Variants in SEMA4D observed in about 807,000 individuals in gnomAD.
SEMA4D encodes semaphorin 4D.
Under a neutral mutation model 74.8 loss-of-function variants are expected in SEMA4D, and 22 were observed. The ratio of observed to expected loss-of-function variants is 0.29; its 90% CI spans 0.21 to 0.42. SEMA4D has a LOEUF of 0.42. Ranked by LOEUF, SEMA4D falls within the 10% of genes least tolerant of loss-of-function variation. SEMA4D has a pLI of 1.00. For synonymous variants in SEMA4D, 445 were observed against 463.7 expected, an observed-to-expected ratio of 0.96 and a Z score of 0.52; for missense variants, 937 against 1,118.4, an observed-to-expected ratio of 0.84 and a Z score of 2.31.
intron 6 of SEMA4D, among the ~76,000 whole-genome samples, chr9:89,393,905 C>T (rs529310094): frequency 6.6e-6 from 1 of 152,352 alleles, no homozygotes; most frequent in Non-Finnish European, 1.5e-5. Context: ...ATCTCAGACC[C>T]TCAATTTACT....
At chr9:89,461,563 C>T (rs1365832879) in intron 1 of SEMA4D, among the ~76,000 whole-genome samples, 1 of 152,148 alleles carries the variant, frequency 6.6e-6, no homozygotes, top group African/African-American at 2.4e-5. Flanking sequence ...GGAAGGCTGC[C>T]AGAATAAACC....
At chr9:89,446,622 C>G (rs1172643879) in intron 2 of SEMA4D, among the ~76,000 whole-genome samples, 2 of 152,210 alleles carry the variant, frequency 1.3e-5, no homozygotes, top group Non-Finnish European at 2.9e-5. Flanking sequence ...TTCTCCAGGG[C>G]TCCGAGGCTC....
intron 18 of SEMA4D, chr9:89,362,545 G>C: frequency 6.4e-7 from 1 of 1,571,040 alleles, no homozygotes; most frequent in East Asian, 2.2e-5. Context: ...TCAGCCCCCT[G>C]TTGTGGTTCC....
At chr9:89,496,564 C>T (rs954849465) in intron 1 of SEMA4D, among the ~76,000 whole-genome samples, 8 of 152,200 alleles carry the variant, frequency 5.3e-5, no homozygotes, top group Non-Finnish European at 8.8e-5. Flanking sequence ...CCCTCATCTT[C>T]CCACCCCAGC....
intron 16 of SEMA4D, chr9:89,363,957 A>G (rs1833161835): frequency 1.9e-6 from 3 of 1,613,888 alleles, no homozygotes; most frequent in Non-Finnish European, 2.5e-6. Context: ...GGACCTGGGG[A>G]CACAGACCGT....
intron 6 of SEMA4D, 53 bp from the exon 7 acceptor site, chr9:89,393,708 A>T (rs1238483911): frequency 3.7e-6 from 5 of 1,350,166 alleles, no homozygotes; most frequent in Non-Finnish European, 5.3e-6. Context: ...TTTCTATAGT[A>T]ACAATGTGTC....
intron 2 of SEMA4D, among the ~76,000 whole-genome samples, chr9:89,422,459 GC>G (rs1406704864): frequency 1.3e-5 from 2 of 152,262 alleles, no homozygotes; most frequent in Non-Finnish European, 2.9e-5. Context: ...TGGGAGCCAT[GC>G]AAGAGGAGAC....
At chr9:89,427,204 T>C (rs1848291268) in intron 2 of SEMA4D, among the ~76,000 whole-genome samples, 1 of 152,158 alleles carries the variant, frequency 6.6e-6, no homozygotes, top group African/African-American at 2.4e-5. Flanking sequence ...TCTTCTCCTC[T>C]CTTCCAGATG....
rs761199334 is a variant in SEMA4D, at chr9:89,462,975, G to GGAGCGAGCGAGGGGAGGGGAGC, written c.-309-7023_-309-7022insGCTCCCCTCCCCTCGCTCGCTC. 2.2e-4 allele frequency among the ~76,000 whole-genome samples: 26 copies of GGAGCGAGCGAGGGGAGGGGAGC among 116,724 alleles called. 3 individuals carry two copies. Among genetic ancestry groups the GGAGCGAGCGAGGGGAGGGGAGC allele is most frequent in the South Asian group, 5.4e-4 (2 of 3,728 alleles). The allele number at this position is 116,724 out of a possible 152,430, so 76.6% of individuals were successfully genotyped here. ...GGAGGGGGGAGCGAGCGAGGGGAGG[G>GGAGCGAGCGAGGGGAGGGGAGC]GAGCGAGGGAGAAAGAGAGGCATGT... On this transcript the variant is annotated intron_variant, in intron 1 of 15. Coordinates refer to ENST00000422704, the MANE Select transcript of SEMA4D (RefSeq NM_001371194.2).
chr9:89,388,768 C>G lies in SEMA4D; in HGVS notation c.975G>C (p.Val325=). The G allele has an allele frequency of 6.2e-7, 1 of 1,607,286 alleles. No homozygotes were observed. The highest frequency in any genetic ancestry group is 8.5e-7 in the Non-Finnish European group (1 of 1,175,724). ...CGGCTGTGGACAGGTTGTAGGCGCA[C>G]ACTGCCGACAGCCCCACGTTGTTCC... ...PQLNNVGLSA[V]CAYNLSTAEE... Residue 325 remains valine (V), a synonymous_variant, in exon 11 of 16, where the codon GTG becomes GTC. Coordinates refer to ENST00000422704, the MANE Select transcript of SEMA4D (RefSeq NM_001371194.2).
At chr9:89,380,403 GCTCA>G (rs1284428804) in intron 15 of SEMA4D, among the ~76,000 whole-genome samples, 6 of 152,102 alleles carry the variant, frequency 3.9e-5, no homozygotes, top group African/African-American at 1.4e-4. Flanking sequence ...GGCATGATAA[GCTCA>G]CTGAGCCTTG....
intron 12 of SEMA4D, chr9:89,386,754 G>A (rs560267110): frequency 2.3e-5 from 8 of 354,082 alleles, no homozygotes; most frequent in Admixed American, 9.2e-5. Context: ...ACCAACAGTC[G>A]ACATTACACT....
At chr9:89,383,585 C>T (rs1588187722) in intron 13 of SEMA4D, among the ~76,000 whole-genome samples, 1 of 152,018 alleles carries the variant, frequency 6.6e-6, no homozygotes, top group African/African-American at 2.4e-5. Context: ...ATGTGGTGGG[C>T]GGGAGGTAGG....
At chr9:89,449,552 A>T in intron 2 of SEMA4D, 1 of 781,724 alleles carries the variant, frequency 1.3e-6, no homozygotes, top group Non-Finnish European at 2.3e-6. Context: ...TGGTGGTGGC[A>T]GGAAGATGTC....
intron 2 of SEMA4D, chr9:89,449,573 G>A (rs988670364): frequency 2.5e-5 from 21 of 825,636 alleles, no homozygotes; most frequent in Middle Eastern, 3.4e-4. Flanking sequence ...AGGCAAAGAC[G>A]AGCAGCAGGA....
chr9:89,371,444 T>G (rs1288906691), intron 16 of SEMA4D, among the ~76,000 whole-genome samples: 1 of 75,368 alleles, frequency 1.3e-5, no homozygotes, highest in Admixed American at 1.4e-4. Flanking sequence ...GTGTGGGGTG[T>G]GGTGTGTGTC....
intron 1 of SEMA4D, among the ~76,000 whole-genome samples, chr9:89,487,666 C>A (rs1271771392): frequency 1.3e-5 from 2 of 152,030 alleles, no homozygotes; most frequent in Non-Finnish European, 2.9e-5. Flanking sequence ...AGCGACTTAG[C>A]AAGGTTCACA....
chr9:89,461,121 T>C (rs551001914), intron 1 of SEMA4D, among the ~76,000 whole-genome samples: 1 of 152,006 alleles, frequency 6.6e-6, no homozygotes, highest in Non-Finnish European at 1.5e-5. Flanking sequence ...TGCATCTCAC[T>C]GGAGGTCAGA....
chr9:89,390,282 G>A (rs764642028), intron 9 of SEMA4D, among the ~76,000 whole-genome samples: 8 of 152,046 alleles, frequency 5.3e-5, no homozygotes, highest in Non-Finnish European at 1.0e-4. Context: ...CCATCTCAAG[G>A]GGCACTGGCT....
Sources: gnomAD v4.1 joint callset for allele counts (sites outside exome capture counted in the v4.1 genomes callset) on GRCh38, gnomAD v4.1.1 for gene constraint, MANE v1.5 for transcripts, NCBI Gene and HGNC (gene_info 2026-07-23, HGNC 2026-07-21) for gene names.